Variants in FIGN observed in about 807,000 individuals in gnomAD.
FIGN encodes fidgetin, microtubule severing factor.
FIGN carries 11 observed loss-of-function variants against 51.3 expected under a neutral mutation model. The observed-to-expected ratio is 0.21, with a 90% CI of 0.13 to 0.35. The LOEUF is 0.35. Among genes scored for constraint, FIGN ranks in the 10% least tolerant of loss-of-function variants. The pLI, the probability that FIGN is intolerant of heterozygous loss-of-function variation, is 1.00. For missense variants in FIGN, 857 were observed against 943.6 expected (o/e 0.91, Z 1.20); for synonymous variants, 407 against 363.2 (o/e 1.12, Z -1.37).
At chr2:163,712,350 A>C (rs956060218) in intron 2 of FIGN, among the ~76,000 whole-genome samples, 2 of 152,198 alleles carry the variant, frequency 1.3e-5, no homozygotes, top group Non-Finnish European at 2.9e-5. Context: ...CTATTTTTTA[A>C]TTAGAAACAA....
At chr2:163,642,586 G>C (rs1377177828) in intron 2 of FIGN, among the ~76,000 whole-genome samples, 1 of 152,142 alleles carries the variant, frequency 6.6e-6, no homozygotes, top group East Asian at 1.9e-4. Context: ...TGGACTCTCA[G>C]AGGAAGGAGT....
At chr2:163,665,705 A>T (rs969109657) in intron 2 of FIGN, among the ~76,000 whole-genome samples, 1 of 152,238 alleles carries the variant, frequency 6.6e-6, no homozygotes, top group South Asian at 2.1e-4. Flanking sequence ...CGTATTGTGC[A>T]AACTATAGGA....
chr2:163,731,404 C>G (rs1183122407), intron 2 of FIGN, among the ~76,000 whole-genome samples: 2 of 152,088 alleles, frequency 1.3e-5, no homozygotes, highest in African/African-American at 4.8e-5. Context: ...ATTTTCTTCT[C>G]TCTGGTTACA....
intron 2 of FIGN, among the ~76,000 whole-genome samples, chr2:163,680,466 G>T (rs1684043092): frequency 6.6e-6 from 1 of 152,096 alleles, no homozygotes. Context: ...GTAGCAGTAG[G>T]TTAGCAAGTC....
intron 2 of FIGN, among the ~76,000 whole-genome samples, chr2:163,731,854 G>A (rs1033023378): frequency 1.3e-4 from 20 of 152,156 alleles, no homozygotes; most frequent in African/African-American, 4.8e-4. Flanking sequence ...ACAACAATGA[G>A]ACTTTATTAC....
intron 2 of FIGN, among the ~76,000 whole-genome samples, chr2:163,655,370 G>A (rs1313776105): frequency 1.3e-5 from 2 of 152,060 alleles, no homozygotes; most frequent in African/African-American, 2.4e-5. Context: ...ATTCTCAAAC[G>A]ATGTGCTATG....
intron 2 of FIGN, among the ~76,000 whole-genome samples, chr2:163,660,776 C>CATATACATAT (rs1683647847): frequency 3.6e-5 from 3 of 83,912 alleles, no homozygotes; most frequent in African/African-American, 1.9e-4. Context: ...TATGTATACA[C>CATATACATAT]ATATACATAT....
intron 2 of FIGN, among the ~76,000 whole-genome samples, chr2:163,705,363 A>G (rs2105353311): frequency 6.6e-6 from 1 of 152,284 alleles, no homozygotes; most frequent in South Asian, 2.1e-4. Flanking sequence ...ATGGAACTTC[A>G]TAGTTCCATA....
chr2:163,633,038 G>A (rs539828225), intron 2 of FIGN, among the ~76,000 whole-genome samples: 6 of 152,102 alleles, frequency 3.9e-5, no homozygotes, highest in East Asian at 1.9e-4. Context: ...TTTAAAATTC[G>A]CCAGGTGTGG....
chr2:163,666,999 A>T (rs1231335770), intron 2 of FIGN, among the ~76,000 whole-genome samples: 1 of 152,040 alleles, frequency 6.6e-6, no homozygotes, highest in East Asian at 1.9e-4. Flanking sequence ...AATATAATCA[A>T]TGTATACCGT....
rs368211284 is a variant in FIGN, at chr2:163,695,493, T to C, written c.25+39410A>G. 3.9e-5 allele frequency among the ~76,000 whole-genome samples: 6 copies of C among 152,262 alleles called. No individual in the cohort carries two copies. The East Asian group carries it at 7.7e-4, about 20-fold the overall frequency. On this transcript the variant is annotated intron_variant, in intron 2 of 2. Transcript: ENST00000333129. ...AAAATCATCCTTGATTCCTTAGAGCTTGTCATTTCTTCAGTCAACATGCAA... is the reference window on the plus strand; with the variant it reads ...AAAATCATCCTTGATTCCTTAGAGCCTGTCATTTCTTCAGTCAACATGCAA...
At chr2:163,612,587 G>GAA (rs139810766) in intron 2 of FIGN, 572 of 921,112 alleles carry the variant, frequency 6.2e-4, no homozygotes, top group Middle Eastern at 2.2e-3. Flanking sequence ...TTGAGTCTCT[G>GAA]AAAAAAAAAA....
At chr2:163,718,846 A>C (rs961108419) in intron 2 of FIGN, among the ~76,000 whole-genome samples, 5 of 151,980 alleles carry the variant, frequency 3.3e-5, no homozygotes, top group African/African-American at 7.2e-5. Flanking sequence ...AGAGTGAGAG[A>C]GAGAGAGAGA....
Position 163,683,186 on chromosome 2 carries a change from A to G in FIGN, c.25+51717T>C, listed in dbSNP as rs149823485. ...AAGCCCCCAGGATTACAAGTGAAAT[A>G]GTTTTTAAAAGAATTCACCTTCCTG... On this transcript the variant is annotated intron_variant, in intron 2 of 2. Coordinates refer to ENST00000333129, the MANE Select transcript of FIGN (RefSeq NM_018086.4). 3.7e-4 allele frequency among the ~76,000 whole-genome samples: 57 copies of G among 152,284 alleles called. 1 individual carries two copies. The highest frequency in any genetic ancestry group is 1.2e-3 in the African/African-American group (51 of 41,568).
At chr2:163,734,820 G>A (rs754604307) in intron 2 of FIGN, 83 bp downstream of exon 2, 41 of 1,265,050 alleles carry the variant, frequency 3.2e-5, no homozygotes, top group Non-Finnish European at 4.3e-5. Flanking sequence ...TGCTTGCCAG[G>A]CAGTCTTCAA....
At chr2:163,706,094 C>T (rs931737688) in intron 2 of FIGN, among the ~76,000 whole-genome samples, 12 of 152,116 alleles carry the variant, frequency 7.9e-5, no homozygotes, top group Non-Finnish European at 1.0e-4. Flanking sequence ...AAGCTCTATT[C>T]GTATTGCATA....
chr2:163,735,767 A>G (rs1379942236), intron 1 of FIGN, 71 bp downstream of exon 1: 1 of 152,582 alleles, frequency 6.6e-6, no homozygotes, highest in African/African-American at 2.4e-5. Context: ...TCTTGGATGT[A>G]TTTATATTCT....
At chr2:163,618,426 T>A (rs1382212507) in intron 2 of FIGN, among the ~76,000 whole-genome samples, 7 of 151,658 alleles carry the variant, frequency 4.6e-5, no homozygotes, top group Non-Finnish European at 4.4e-5. Context: ...TTTTTTTTTT[T>A]AAACAATTAT....
intron 2 of FIGN, among the ~76,000 whole-genome samples, chr2:163,732,455 ACT>A (rs1446273345): frequency 1.3e-5 from 2 of 152,156 alleles, no homozygotes; most frequent in African/African-American, 4.8e-5. Context: ...AAAACTCTTG[ACT>A]CTCTACATAT....
Sources: gnomAD v4.1 joint callset for allele counts (sites outside exome capture counted in the v4.1 genomes callset) on GRCh38, gnomAD v4.1.1 for gene constraint, MANE v1.5 for transcripts, NCBI Gene and HGNC (gene_info 2026-07-23, HGNC 2026-07-21) for gene names.